Variants in C16orf96 observed in about 807,000 individuals in gnomAD.
The protein encoded by C16orf96 is chromosome 16 open reading frame 96.
C16orf96 carries 108 observed loss-of-function variants against 103.6 expected under a neutral mutation model. The ratio of observed to expected loss-of-function variants is 1.04; its 90% confidence interval spans 0.89 to 1.22. The LOEUF is 1.22. Among genes scored for constraint, C16orf96 ranks in the 50% most tolerant of loss-of-function variants. C16orf96 has a pLI of 0.00. For synonymous variants in C16orf96, 566 were observed against 593.5 expected (o/e 0.95, Z 0.67); for missense variants, 1,586 against 1,464.2 (o/e 1.08, Z -1.36).
upstream of C16orf96, among the ~76,000 whole-genome samples, chr16:4,555,387 C>T (rs56226486): frequency 0.018 from 2,652 of 144,932 alleles, 80 homozygotes; most frequent in African/African-American, 0.061. Context: ...TTTTTTTTTT[C>T]TTTTGAGACG....
chr16:4,595,521 G>A (rs1897152209), intron 14 of C16orf96, among the ~76,000 whole-genome samples: 2 of 152,180 alleles, frequency 1.3e-5, no homozygotes, highest in African/African-American at 4.8e-5. Context: ...TGGGTTCGAA[G>A]GACAAAAAGA....
chr16:4,581,448 G>A (rs7404375), intron 7 of C16orf96, among the ~76,000 whole-genome samples: 145,073 of 151,692 alleles, frequency 0.96, 69,694 homozygotes, highest in East Asian at 1. Context: ...CCTAGCTAAC[G>A]TGGTGAAACC....
intron 2 of C16orf96, among the ~76,000 whole-genome samples, chr16:4,573,420 C>T (rs78160658): frequency 0.065 from 7,793 of 120,432 alleles, 400 homozygotes; most frequent in East Asian, 0.3. Flanking sequence ...GCCTGGGTGA[C>T]AGAGCAAGAC....
intron 2 of C16orf96, among the ~76,000 whole-genome samples, chr16:4,573,553 C>A (rs549666757): frequency 9.9e-5 from 15 of 151,172 alleles, no homozygotes; most frequent in Non-Finnish European, 2.1e-4. Context: ...GAGATCGAGA[C>A]CATCCTCGCT....
At chr16:4,541,577 A>G in the C16orf96 span, among the ~76,000 whole-genome samples, 1 of 152,162 alleles carries the variant, frequency 6.6e-6, no homozygotes, top group African/African-American at 2.4e-5. Context: ...CTGTCTCTAA[A>G]AATAATAGGG....
rs1022554463 is a variant in C16orf96, at chr16:4,599,222, C to T, written c.3128-62C>T. The T allele has an allele frequency of 4.5e-5, 64 of 1,427,048 alleles. 1 individual carries two copies. In the Admixed American group the frequency reaches 8.5e-4, roughly 19 times the overall value. 88.4% of individuals were successfully genotyped at this position (1,427,048 alleles called of 1,614,324 possible). On this transcript the variant is annotated intron_variant, in intron 14 of 15. Coordinates refer to ENST00000444310, the MANE Select transcript of C16orf96 (RefSeq NM_001145011.2). ...GAGGGAGACTGCCCAGTGCTGGGAT[C>T]GGCCTGACACAGGCCCAGGGGTGGA...
rs1281672239 is a variant in C16orf96 at position 4,575,577 on chromosome 16, C to T, written c.1097C>T (p.Pro366Leu). ...GTGACACCTGGGTCCTTGCCAGCAC[C>T]TTGGCCTGTGCTTGGACCTGTGCCT... ...PSVTPGSLPA[P>L]WPVLGPVPAP... The change falls in exon 5 of 16, where the codon CCT (proline) becomes CTT (leucine). Residue 366 changes from proline (P) to leucine (L), a missense_variant. By Grantham distance (98) the Pro-to-Leu change is moderately conservative. Coordinates refer to ENST00000444310, the MANE Select transcript of C16orf96 (RefSeq NM_001145011.2). The T allele has an allele frequency of 6.6e-7, 1 of 1,524,270 alleles. No individual in the cohort carries two copies. Among genetic ancestry groups the T allele is most frequent in the Non-Finnish European group, 8.8e-7 (1 of 1,136,594 alleles). 94.4% of individuals were successfully genotyped at this position (1,524,270 alleles called of 1,614,324 possible). A position where few individuals can be genotyped will look rare whatever the true frequency, so the allele number is the denominator to read the frequency against.
Position 4,571,605 on chromosome 16 carries a change from C to A in C16orf96, c.465C>A (p.Leu155=). The change falls in exon 2 of 16, where the codon CTC becomes CTA. Residue 155 remains leucine (L), a synonymous_variant. Coordinates refer to ENST00000444310, the MANE Select transcript of C16orf96 (RefSeq NM_001145011.2). The part of the protein sequence containing the change: ...LQDLLTDLHA[L]QVTITALRKE... ...ACTTGCTCACTGATCTTCATGCACTCCAGGTCACCATCACAGCCCTCAGAA... is the reference window on the plus strand; with the variant it reads ...ACTTGCTCACTGATCTTCATGCACTACAGGTCACCATCACAGCCCTCAGAA... 6.4e-7 allele frequency: 1 copy of A among 1,552,342 alleles called. No individual in the cohort carries two copies. Among genetic ancestry groups the A allele is most frequent in the African/African-American group, 1.4e-5 (1 of 73,186 alleles).
At chr16:4,565,039 C>G (rs2059372436) in intron 1 of C16orf96, among the ~76,000 whole-genome samples, 1 of 152,024 alleles carries the variant, frequency 6.6e-6, no homozygotes, top group African/African-American at 2.4e-5. Context: ...TTCCAAAGTC[C>G]CACATGTGAC....
chr16:4,579,161 G>A (rs2059551128), intron 6 of C16orf96, 136 bp downstream of exon 6: 3 of 768,514 alleles, frequency 3.9e-6, no homozygotes, highest in Admixed American at 5.0e-5. Flanking sequence ...CGAGCTGGCT[G>A]CGAAGGCAGC....
At chr16:4,578,140 T>A (rs989254639) in intron 5 of C16orf96, among the ~76,000 whole-genome samples, 2 of 152,144 alleles carry the variant, frequency 1.3e-5, no homozygotes, top group African/African-American at 4.8e-5. Context: ...AAAAATTTTT[T>A]TAATTATTGT....
chr16:4,580,919 G>A (rs1006257551), intron 7 of C16orf96, among the ~76,000 whole-genome samples: 37 of 151,620 alleles, frequency 2.4e-4, no homozygotes, highest in African/African-American at 7.3e-4. Flanking sequence ...GAGATCGGGA[G>A]TTCGAGACCA....
intron 1 of C16orf96, among the ~76,000 whole-genome samples, chr16:4,558,913 CAAAAAA>C (rs771691344): frequency 1.6e-4 from 8 of 51,384 alleles, no homozygotes; most frequent in African/African-American, 4.9e-4. Context: ...GACTCTGTCT[CAAAAAA>C]AAAAAAAAAA....
At chr16:4,585,291 CA>C (rs1555506767) in intron 7 of C16orf96, among the ~76,000 whole-genome samples, 765 of 17,162 alleles carry the variant, frequency 0.045, 10 homozygotes, top group African/African-American at 0.063. Flanking sequence ...CCTGTCTCTA[CA>C]AAAAAAAAAA....
intron 2 of C16orf96, among the ~76,000 whole-genome samples, chr16:4,573,621 A>G (rs533931736): frequency 5.4e-4 from 82 of 150,808 alleles, no homozygotes; most frequent in African/African-American, 1.9e-3. Flanking sequence ...ATGTGGTGGC[A>G]GGTACCTGTA....
chr16:4,580,133 G>C lies in C16orf96; in HGVS notation c.2352+8G>C. 2 of 1,500,010 alleles carry C rather than the reference G, an allele frequency of 1.3e-6. No homozygotes were observed. The highest frequency in any genetic ancestry group is 1.8e-6 in the Non-Finnish European group (2 of 1,120,404). 92.9% of individuals were successfully genotyped at this position (1,500,010 alleles called of 1,614,324 possible). The stretch of plus-strand genomic sequence containing the variant: ...CGCATGGATGAGTTCAAGGTTAGGA[G>C]GACTGGGTAGGCTGGAGAAGGGCTG... On this transcript the variant is annotated splice_region_variant and intron_variant, in intron 7 of 15. Coordinates refer to ENST00000444310, the MANE Select transcript of C16orf96 (RefSeq NM_001145011.2).
chr16:4,597,316 C>A (rs1238111014), intron 14 of C16orf96, among the ~76,000 whole-genome samples: 1 of 152,192 alleles, frequency 6.6e-6, no homozygotes, highest in Non-Finnish European at 1.5e-5. Context: ...CCCTGCCCCA[C>A]CTCCTTCACC....
rs113607213 is a variant in C16orf96, at chr16:4,562,896, C to T, written c.420+5987C>T. ...TTCTGGATTTAAAGAAATACCTTTT[C>T]TTCCTGGTTTCATTTCACCTTCAGG... On this transcript the variant is annotated intron_variant, in intron 1 of 15. Coordinates refer to ENST00000444310, the MANE Select transcript of C16orf96 (RefSeq NM_001145011.2). The T allele has an allele frequency of 1.8e-5, 26 of 1,418,954 alleles. 1 individual carries two copies. In the African/African-American group the frequency reaches 3.5e-4, roughly 19 times the overall value. The allele number at this position is 1,418,954 out of a possible 1,614,324, so 87.9% of individuals were successfully genotyped here. A position where few individuals can be genotyped will look rare whatever the true frequency, so the allele number is the denominator to read the frequency against.
At chr16:4,584,097 A>G (rs1385911911) in intron 7 of C16orf96, among the ~76,000 whole-genome samples, 1 of 152,196 alleles carries the variant, frequency 6.6e-6, no homozygotes, top group African/African-American at 2.4e-5. Context: ...TAGATGACAC[A>G]AGGCAGTAGC....
Sources: gnomAD v4.1 joint callset for allele counts (sites outside exome capture counted in the v4.1 genomes callset) on GRCh38, gnomAD v4.1.1 for gene constraint, MANE v1.5 for transcripts, NCBI Gene and HGNC (gene_info 2026-07-23, HGNC 2026-07-21) for gene names.